NCKAP5: variants seen among roughly 807,000 people sequenced by gnomAD.
NCKAP5 encodes nck-associated protein 5.
Under a neutral mutation model 167.0 loss-of-function variants are expected in NCKAP5, and 92 were observed. The observed-to-expected ratio is 0.55, with a 90% CI of 0.47 to 0.66. NCKAP5 has a LOEUF of 0.66. NCKAP5 is among the 30% of genes least tolerant of loss of function. The pLI is 0.00. For missense variants in NCKAP5, 2,378 were observed against 2,315.0 expected, an observed-to-expected ratio of 1.03 and a Z score of -0.56; for synonymous variants, 891 against 877.4, an observed-to-expected ratio of 1.02 and a Z score of -0.27.
intron 2 of NCKAP5, among the ~76,000 whole-genome samples, chr2:133,540,605 A>G (rs1686143489): frequency 6.6e-6 from 1 of 152,206 alleles, no homozygotes; most frequent in African/African-American, 2.4e-5. Context: ...CATGGATCAA[A>G]CATGTTTATA....
At chr2:132,962,593 T>TTTTG (rs201304749) in intron 8 of NCKAP5, among the ~76,000 whole-genome samples, 2 of 151,926 alleles carry the variant, frequency 1.3e-5, no homozygotes, top group East Asian at 1.9e-4. Flanking sequence ...CTTTTTGTTT[T>TTTTG]TTTGTTTGTT....
At chr2:133,208,741 T>C (rs1030626210) in intron 5 of NCKAP5, among the ~76,000 whole-genome samples, 4 of 152,206 alleles carry the variant, frequency 2.6e-5, no homozygotes, top group African/African-American at 9.6e-5. Flanking sequence ...GTATTCATAA[T>C]AGAGAAAACT....
At chr2:132,775,245 G>A (rs1274393246) in intron 15 of NCKAP5, among the ~76,000 whole-genome samples, 1 of 152,176 alleles carries the variant, frequency 6.6e-6, no homozygotes, top group Non-Finnish European at 1.5e-5. Flanking sequence ...CCTTGAGCTG[G>A]ATTTAGCTTT....
chr2:133,564,296 G>A (rs1301655834), intron 1 of NCKAP5, among the ~76,000 whole-genome samples: 2 of 152,238 alleles, frequency 1.3e-5, no homozygotes, highest in Admixed American at 6.5e-5. Context: ...GAGCTTGAAA[G>A]TGTGCCTGGT....
chr2:133,636,985 T>C, the NCKAP5 span, among the ~76,000 whole-genome samples: 2 of 151,936 alleles, frequency 1.3e-5, no homozygotes, highest in African/African-American at 2.4e-5. Flanking sequence ...CCAGCATGAA[T>C]AGCCAGAGAA....
intron 6 of NCKAP5, among the ~76,000 whole-genome samples, chr2:133,110,176 T>C (rs2081860658): frequency 6.6e-6 from 1 of 152,208 alleles, no homozygotes; most frequent in Non-Finnish European, 1.5e-5. Context: ...TGCGGGTTCC[T>C]GCAAAAGTTC....
intron 3 of NCKAP5, among the ~76,000 whole-genome samples, chr2:133,481,590 C>G (rs1371375772): frequency 6.6e-6 from 1 of 152,192 alleles, no homozygotes; most frequent in Non-Finnish European, 1.5e-5. Flanking sequence ...CTCCCATCCT[C>G]CACCCTCCGA....
intron 5 of NCKAP5, among the ~76,000 whole-genome samples, chr2:133,212,198 G>A (rs1209408382): frequency 6.6e-6 from 1 of 152,164 alleles, no homozygotes; most frequent in East Asian, 1.9e-4. Context: ...CGCTGACGAA[G>A]TGGTGAGCAG....
In NCKAP5 at chr2:132,782,025, T is replaced by G. The variant is rs2105024100; in HGVS notation, c.4786A>C (p.Asn1596His). ...NNRRTPQDIY[N>H]QLKIEPRNRH... ...TTCCTTGGTTCAATCTTCAGTTGGT[T>G]GTAAATGTCTTGTGGTGTTCTCCGA... Residue 1596 changes from asparagine (N) to histidine (H), a missense_variant, in exon 14 of 20, where the codon AAC (asparagine) becomes CAC (histidine). Physicochemically the swap from Asn to His is moderately conservative, Grantham distance 68. Around this residue, in one of 3 missense-constraint regions of NCKAP5, gnomAD observed 1,325 missense variants for 1,274.5 expected, o/e 1.04. Coordinates refer to ENST00000409261, the MANE Select transcript of NCKAP5 (RefSeq NM_207363.3). 6.2e-7 allele frequency: 1 copy of G among 1,614,058 alleles called. No individual in the cohort carries two copies. The highest frequency in any genetic ancestry group is 1.7e-5 in the Admixed American group (1 of 60,032).
At chr2:133,665,606 A>G in the NCKAP5 span, among the ~76,000 whole-genome samples, 3 of 152,242 alleles carry the variant, frequency 2.0e-5, no homozygotes, top group African/African-American at 7.2e-5. Context: ...ATATTGTGAG[A>G]ATTACCAAGA....
rs545006757 is a variant in NCKAP5 at position 132,782,918 on chromosome 2, C to T, written c.3893G>A (p.Arg1298His). The T allele has an allele frequency of 9.9e-6, 16 of 1,613,936 alleles. No homozygotes were observed. The East Asian group carries it at 1.1e-4, about 11-fold the overall frequency. Residue 1298 changes from arginine (R) to histidine (H), a missense_variant, in exon 14 of 20, where the codon CGC becomes CAC. Physicochemically the swap from Arg to His is conservative, Grantham distance 29. Coordinates refer to ENST00000409261, the MANE Select transcript of NCKAP5 (RefSeq NM_207363.3). ...TPPIEGSGKV[R>H]TQIITNTAER... ...GGCGGTATTGGTAATGATCTGAGTG[C>T]GGACTTTGCCTGACCCTTCGATGGG...
At chr2:133,619,160 TG>T in the NCKAP5 span, among the ~76,000 whole-genome samples, 2 of 65,502 alleles carry the variant, frequency 3.1e-5, no homozygotes, top group Admixed American at 2.2e-4. Context: ...TGTTGTGGGG[TG>T]GGGGGAGGGG....
At chr2:133,445,261 C>T (rs910978297) in intron 3 of NCKAP5, among the ~76,000 whole-genome samples, 2 of 151,498 alleles carry the variant, frequency 1.3e-5, no homozygotes, top group African/African-American at 2.4e-5. Flanking sequence ...TGATTCAATA[C>T]CAATTTTAAA....
intron 11 of NCKAP5, among the ~76,000 whole-genome samples, chr2:132,858,976 A>G (rs1474032378): frequency 6.6e-6 from 1 of 152,242 alleles, no homozygotes; most frequent in African/African-American, 2.4e-5. Flanking sequence ...GGAACATGCA[A>G]CAGCTTTTAA....
intron 11 of NCKAP5, among the ~76,000 whole-genome samples, chr2:132,813,795 A>G (rs1328675915): frequency 3.9e-5 from 6 of 152,236 alleles, no homozygotes; most frequent in Non-Finnish European, 7.3e-5. Context: ...AAAATTATGT[A>G]GAATTATTTA....
intron 3 of NCKAP5, among the ~76,000 whole-genome samples, chr2:133,500,766 C>A (rs761497759): frequency 6.6e-6 from 1 of 152,098 alleles, no homozygotes; most frequent in Admixed American, 6.6e-5. Flanking sequence ...CATCTTTATA[C>A]GTAAGTTTAT....
At chr2:133,275,809 C>G (rs1411823241) in intron 4 of NCKAP5, among the ~76,000 whole-genome samples, 1 of 150,788 alleles carries the variant, frequency 6.6e-6, no homozygotes, top group Non-Finnish European at 1.5e-5. Context: ...ATCTAGTTGC[C>G]TTTCTTTTTT....
At chr2:132,928,777 C>G (rs1696121196) in intron 8 of NCKAP5, among the ~76,000 whole-genome samples, 1 of 152,056 alleles carries the variant, frequency 6.6e-6, no homozygotes, top group Non-Finnish European at 1.5e-5. Context: ...CAGAAGCAAA[C>G]TATCAAGTTT....
chr2:133,266,453 G>C (rs2089225734), intron 4 of NCKAP5: 1 of 152,740 alleles, frequency 6.5e-6, no homozygotes, highest in African/African-American at 2.4e-5. Context: ...AAGGGCTGGG[G>C]CTAGGGTGGC....
Sources: allele counts gnomAD v4.1 joint callset (sites outside exome capture counted in the v4.1 genomes callset), GRCh38; gene constraint gnomAD v4.1.1; regional missense constraint gnomAD v4.1.1; transcripts MANE v1.5; gene names NCBI Gene and HGNC (gene_info 2026-07-23, HGNC 2026-07-21).